Variants in CDH18 observed in about 807,000 individuals in gnomAD.
CDH18 encodes the protein cadherin 18, also known as cadherin-18.
Under a neutral mutation model 67.9 loss-of-function variants are expected in CDH18, and 31 were observed. The observed-to-expected ratio is 0.46, with a 90% confidence interval of 0.34 to 0.62. The LOEUF (loss-of-function observed/expected upper bound fraction) is 0.62, where lower values mean the gene tolerates loss of function less well. Among genes scored for constraint, CDH18 ranks in the 20% least tolerant of loss-of-function variants. CDH18 has a pLI of 0.01. For synonymous variants in CDH18, 362 were observed against 347.2 expected (o/e 1.04, Z -0.48); for missense variants, 890 against 975.5 (o/e 0.91, Z 1.17).
intron 3 of CDH18, among the ~76,000 whole-genome samples, chr5:19,837,598 T>C (rs116791171): frequency 0.01 from 1,541 of 152,102 alleles, 21 homozygotes; most frequent in African/African-American, 0.035. Flanking sequence ...GATACAATTG[T>C]TTTAGATCTT....
chr5:20,102,765 T>C (rs1746583492), intron 2 of CDH18, among the ~76,000 whole-genome samples: 1 of 151,514 alleles, frequency 6.6e-6, no homozygotes, highest in South Asian at 2.1e-4. Context: ...GGGAAGGAGG[T>C]GAAGATGAAA....
intron 2 of CDH18, among the ~76,000 whole-genome samples, chr5:20,143,072 G>A (rs1750370950): frequency 6.6e-6 from 1 of 152,170 alleles, no homozygotes; most frequent in East Asian, 1.9e-4. Flanking sequence ...TGAAGAGACT[G>A]TTAGTAAAAC....
chr5:20,505,885 C>G (rs1001388865), intron 1 of CDH18, among the ~76,000 whole-genome samples: 4 of 152,182 alleles, frequency 2.6e-5, no homozygotes, highest in Non-Finnish European at 5.9e-5. Flanking sequence ...CATACACTCC[C>G]CCACGAGAAA....
intron 10 of CDH18, among the ~76,000 whole-genome samples, chr5:19,515,975 G>C (rs961420001): frequency 3.9e-5 from 6 of 152,134 alleles, no homozygotes; most frequent in African/African-American, 1.4e-4. Flanking sequence ...GTATGATATT[G>C]GCTGTGGGTT....
intron 2 of CDH18, among the ~76,000 whole-genome samples, chr5:20,000,716 G>A (rs185346770): frequency 1.1e-3 from 163 of 152,116 alleles, no homozygotes; most frequent in Admixed American, 1.6e-3. Flanking sequence ...GCCCCTAATG[G>A]ATGAGAGGAA....
At chr5:20,516,474 G>T (rs1755378420) in intron 1 of CDH18, among the ~76,000 whole-genome samples, 1 of 151,820 alleles carries the variant, frequency 6.6e-6, no homozygotes, top group South Asian at 2.1e-4. Context: ...TAATACAGGT[G>T]ACTTTGGGCT....
intron 2 of CDH18, among the ~76,000 whole-genome samples, chr5:20,190,343 A>T (rs1292410088): frequency 6.6e-6 from 1 of 152,134 alleles, no homozygotes; most frequent in East Asian, 1.9e-4. Context: ...TGGTTTTTAC[A>T]CTGATGGCCA....
chr5:20,266,204 C>T (rs1580621209), intron 1 of CDH18, among the ~76,000 whole-genome samples: 1 of 152,046 alleles, frequency 6.6e-6, no homozygotes, highest in East Asian at 1.9e-4. Flanking sequence ...GTGAGTCAAT[C>T]CCTTGTAATA....
chr5:20,353,685 T>C (rs1225297459), intron 1 of CDH18, among the ~76,000 whole-genome samples: 1 of 152,210 alleles, frequency 6.6e-6, no homozygotes, highest in Non-Finnish European at 1.5e-5. Context: ...CTCTTCAGAA[T>C]AGCTTATCTC....
intron 2 of CDH18, among the ~76,000 whole-genome samples, chr5:20,136,060 T>C (rs1749687464): frequency 6.6e-6 from 1 of 152,316 alleles, no homozygotes; most frequent in South Asian, 2.1e-4. Flanking sequence ...GAGAAGAATG[T>C]ATATTCTGTT....
At chr5:19,588,313 T>C (rs1377516621) in intron 7 of CDH18, among the ~76,000 whole-genome samples, 1 of 151,924 alleles carries the variant, frequency 6.6e-6, no homozygotes, top group Non-Finnish European at 1.5e-5. Flanking sequence ...AGAAGCTTTA[T>C]AAGCGAAGGA....
chr5:20,563,094 A>C (rs941160658), intron 1 of CDH18, among the ~76,000 whole-genome samples: 1 of 151,938 alleles, frequency 6.6e-6, no homozygotes, highest in African/African-American at 2.4e-5. Flanking sequence ...TGACTCACAC[A>C]GAGTTAATCA....
At chr5:20,148,322 C>A (rs986415408) in intron 2 of CDH18, among the ~76,000 whole-genome samples, 2 of 152,136 alleles carry the variant, frequency 1.3e-5, no homozygotes, top group Admixed American at 1.3e-4. Flanking sequence ...TGGTCTCGAT[C>A]TCCTGACCTC....
chr5:20,514,113 T>C (rs1755215377), intron 1 of CDH18, among the ~76,000 whole-genome samples: 1 of 152,194 alleles, frequency 6.6e-6, no homozygotes, highest in African/African-American at 2.4e-5. Flanking sequence ...AATTATTCTC[T>C]ACTGTTTTTA....
At chr5:20,324,262 G>A (rs10069125) in intron 1 of CDH18, among the ~76,000 whole-genome samples, 16,294 of 151,968 alleles carry the variant, frequency 0.11, 952 homozygotes, top group Non-Finnish European at 0.13. Flanking sequence ...AAGGCCGGGC[G>A]CGGTGGGTGG....
rs1428820994 is a variant in CDH18 at position 19,691,282 on chromosome 5, CATT to C, written c.643+30062_643+30064del. Among the ~76,000 whole-genome samples the C allele has an allele frequency of 2.0e-5, 3 of 151,742 alleles. No homozygotes were observed. In the East Asian group the frequency reaches 5.8e-4, roughly 29 times the overall value. On this transcript the variant is annotated intron_variant, in intron 5 of 12. Coordinates refer to ENST00000382275, the MANE Select transcript of CDH18 (RefSeq NM_004934.5). Reference sequence around the variant, plus strand: ...TCATATATGACAAACCCACAGCTAACATTATACTGAATGGAGAAAACTGAAAGC... The same window carrying C: ...TCATATATGACAAACCCACAGCTAACATACTGAATGGAGAAAACTGAAAGC...
intron 2 of CDH18, among the ~76,000 whole-genome samples, chr5:20,115,479 A>C (rs1056167594): frequency 4.0e-5 from 6 of 151,518 alleles, no homozygotes; most frequent in African/African-American, 1.5e-4. Context: ...GGGTTTCACC[A>C]TGTTGGCCAT....
intron 5 of CDH18, among the ~76,000 whole-genome samples, chr5:19,636,407 A>G (rs1753156832): frequency 6.6e-6 from 1 of 152,024 alleles, no homozygotes; most frequent in Non-Finnish European, 1.5e-5. Context: ...AAAATACATG[A>G]CATAGTTTTA....
chr5:20,036,916 T>C (rs112615835), intron 2 of CDH18, among the ~76,000 whole-genome samples: 213 of 152,244 alleles, frequency 1.4e-3, no homozygotes, highest in African/African-American at 4.8e-3. Flanking sequence ...GTCTGTTTCA[T>C]CAGAGATTAG....
Sources: gnomAD v4.1 joint callset for allele counts (sites outside exome capture counted in the v4.1 genomes callset) on GRCh38, gnomAD v4.1.1 for gene constraint, MANE v1.5 for transcripts, NCBI Gene and HGNC (gene_info 2026-07-23, HGNC 2026-07-21) for gene names.